The following NPAS3 variants were observed in gnomAD, a reference collection of about 807,000 sequenced individuals.
The protein encoded by NPAS3 is neuronal PAS domain protein 3.
In NPAS3, 14 loss-of-function variants were observed where a neutral mutation model predicts 73.1. That is an observed-to-expected ratio of 0.19 (90% CI 0.13 to 0.30). The LOEUF (loss-of-function observed/expected upper bound fraction) is 0.30. Among genes scored for constraint, NPAS3 ranks in the 10% least tolerant of loss-of-function variants. The pLI, the probability that NPAS3 is intolerant of heterozygous loss-of-function variation, is 1.00. For synonymous variants in NPAS3, 620 were observed against 541.5 expected, an observed-to-expected ratio of 1.14 and a Z score of -2.01; for missense variants, 1,096 against 1,250.0, an observed-to-expected ratio of 0.88 and a Z score of 1.86.
chr14:32,943,110 A>G (rs2036094022), intron 1 of NPAS3, among the ~76,000 whole-genome samples: 1 of 152,200 alleles, frequency 6.6e-6, no homozygotes, highest in Admixed American at 6.5e-5. Flanking sequence ...GCAATATGCC[A>G]ATCACTAGAT....
intron 2 of NPAS3, among the ~76,000 whole-genome samples, chr14:33,160,648 A>C (rs1016185844): frequency 1.3e-5 from 2 of 152,004 alleles, no homozygotes; most frequent in Non-Finnish European, 2.9e-5. Flanking sequence ...AATTAAAAAA[A>C]AAAAAAGAAA....
intron 2 of NPAS3, among the ~76,000 whole-genome samples, chr14:33,128,115 TA>T (rs966828561): frequency 6.6e-6 from 1 of 152,110 alleles, no homozygotes; most frequent in African/African-American, 2.4e-5. Context: ...CTGGAGTAAT[TA>T]AAATGCAAAA....
rs545354065 is a variant in NPAS3, at chr14:33,091,702, C to T, written c.140+35708C>T. Among the ~76,000 whole-genome samples, 21 of 152,216 alleles carry T rather than the reference C, an allele frequency of 1.4e-4. No individual in the cohort carries two copies. The East Asian group carries it at 3.3e-3, about 24-fold the overall frequency. On this transcript the variant is annotated intron_variant, in intron 2 of 11. Transcript: ENST00000356141. ...ATTTTAGACCAATATCCCTGATGAA[C>T]GTCGATGCAAAAATCCTCAGTAAAA...
intron 1 of NPAS3, among the ~76,000 whole-genome samples, chr14:32,997,210 G>T (rs1027944973): frequency 5.3e-5 from 8 of 152,172 alleles, no homozygotes; most frequent in African/African-American, 1.7e-4. Flanking sequence ...TATTTACCTA[G>T]TGCCTGTACC....
intron 2 of NPAS3, among the ~76,000 whole-genome samples, chr14:33,097,808 G>A (rs964793641): frequency 6.6e-6 from 1 of 152,016 alleles, no homozygotes; most frequent in Admixed American, 6.5e-5. Context: ...TTAGTTTTGT[G>A]AAGCACCTTT....
chr14:33,258,753 C>T (rs371512646), intron 3 of NPAS3, among the ~76,000 whole-genome samples: 6 of 152,150 alleles, frequency 3.9e-5, no homozygotes, highest in Admixed American at 2.6e-4. Context: ...TATAAATCTT[C>T]CAACTAAGTC....
chr14:33,120,237 G>A (rs1001853726), intron 2 of NPAS3, among the ~76,000 whole-genome samples: 8 of 152,110 alleles, frequency 5.3e-5, no homozygotes, highest in Admixed American at 2.6e-4. Context: ...GGGATTACAG[G>A]CATGAGCCAT....
chr14:33,382,175 G>C (rs1007273332), intron 4 of NPAS3, among the ~76,000 whole-genome samples: 2 of 151,840 alleles, frequency 1.3e-5, no homozygotes, highest in Non-Finnish European at 2.9e-5. Flanking sequence ...GGTCGGGGAG[G>C]GTACTCACTT....
chr14:33,535,323 A>G (rs2054214989), intron 4 of NPAS3, among the ~76,000 whole-genome samples: 1 of 152,210 alleles, frequency 6.6e-6, no homozygotes, highest in South Asian at 2.1e-4. Flanking sequence ...TGACTAGACT[A>G]GTATGAAGTT....
chr14:33,147,754 T>TATATATATATATATATATATACAC (rs368950295), intron 2 of NPAS3, among the ~76,000 whole-genome samples: 3 of 142,438 alleles, frequency 2.1e-5, no homozygotes, highest in African/African-American at 8.1e-5. Flanking sequence ...TATATATATA[T>TATATATATATATATATATATACAC]ACACACAAAA....
chr14:33,086,718 C>A (rs566684920), intron 2 of NPAS3, among the ~76,000 whole-genome samples: 1 of 152,264 alleles, frequency 6.6e-6, no homozygotes, highest in African/African-American at 2.4e-5. Context: ...TTTCTTCCAA[C>A]CCTTTTAAAT....
chr14:33,186,579 G>C (rs1001420768), intron 2 of NPAS3, among the ~76,000 whole-genome samples: 1 of 152,108 alleles, frequency 6.6e-6, no homozygotes, highest in Non-Finnish European at 1.5e-5. Flanking sequence ...CAATCTGAAC[G>C]CATGATTTTC....
chr14:33,623,431 C>T (rs776587993), intron 5 of NPAS3, among the ~76,000 whole-genome samples: 14 of 152,172 alleles, frequency 9.2e-5, no homozygotes, highest in South Asian at 2.1e-4. Flanking sequence ...AGCATTTGGA[C>T]GCAGCTTCAC....
intron 2 of NPAS3, among the ~76,000 whole-genome samples, chr14:33,080,348 C>T (rs1475837653): frequency 2.6e-5 from 4 of 151,908 alleles, no homozygotes; most frequent in South Asian, 2.1e-4. Context: ...CCTCGTGATC[C>T]GCCTACCTCG....
rs201898289 is a variant in NPAS3 at position 33,800,884 on chromosome 14, C to T, written c.2577C>T (p.Pro859=). The T allele has an allele frequency of 1.0e-5, 16 of 1,606,260 alleles. No homozygotes were observed. Among genetic ancestry groups the T allele is most frequent in the Middle Eastern group, 3.3e-4 (2 of 6,054 alleles). Residue 859 remains proline, a synonymous_variant, in exon 12 of 12, where the codon CCC becomes CCT. Transcript: ENST00000356141. This position sits in a 1 kb window ranked among gnomAD's most constrained non-coding sequence, Gnocchi z 6.5. ...TTAACTTCGTGGACGTTAACAGCCC[C>T]GGCTTTGGCCTCGACCCCAAGACGC...
At chr14:32,965,090 G>T (rs1171125915) in intron 1 of NPAS3, among the ~76,000 whole-genome samples, 3 of 152,166 alleles carry the variant, frequency 2.0e-5, no homozygotes, top group African/African-American at 7.2e-5. Flanking sequence ...TCCCAGCAAA[G>T]AAAAGCTCAG....
At chr14:33,243,722 G>A (rs571732374) in intron 3 of NPAS3, among the ~76,000 whole-genome samples, 9 of 151,602 alleles carry the variant, frequency 5.9e-5, no homozygotes, top group Non-Finnish European at 1.2e-4. Context: ...TTGGCCTAGA[G>A]CACCATGGCA....
At chr14:33,208,825 A>G (rs1403209112) in intron 2 of NPAS3, among the ~76,000 whole-genome samples, 1 of 152,186 alleles carries the variant, frequency 6.6e-6, no homozygotes, top group Non-Finnish European at 1.5e-5. Context: ...CAACCATTAC[A>G]ACTGGTTTTA....
At chr14:33,018,653 A>G (rs1167019742) in intron 1 of NPAS3, among the ~76,000 whole-genome samples, 2 of 152,358 alleles carry the variant, frequency 1.3e-5, no homozygotes, top group Non-Finnish European at 1.5e-5. Flanking sequence ...AGTTGAAAGT[A>G]TAAGAAATAT....
Sources: allele counts gnomAD v4.1 joint callset (sites outside exome capture counted in the v4.1 genomes callset), GRCh38; gene constraint gnomAD v4.1.1; non-coding constraint Gnocchi (gnomAD v3.1); transcripts MANE v1.5; gene names NCBI Gene and HGNC (gene_info 2026-07-23, HGNC 2026-07-21).